Variants in CLHC1 observed in about 807,000 individuals in gnomAD.
The protein encoded by CLHC1 is clathrin heavy chain linker domain containing 1.
In CLHC1, 72 loss-of-function variants were observed where a neutral mutation model predicts 69.5. The ratio of observed to expected loss-of-function variants is 1.04; its 90% CI spans 0.86 to 1.26. CLHC1 has a LOEUF of 1.26. Ranked by LOEUF, CLHC1 falls within the 50% of genes most tolerant of loss-of-function variation. The pLI is 0.00. For synonymous variants in CLHC1, 223 were observed against 224.3 expected, an observed-to-expected ratio of 0.99 and a Z score of 0.05; for missense variants, 790 against 679.3, an observed-to-expected ratio of 1.16 and a Z score of -1.81.
At chr2:55,223,036 A>G (rs1019680448) in intron 2 of CLHC1, among the ~76,000 whole-genome samples, 4 of 151,938 alleles carry the variant, frequency 2.6e-5, no homozygotes, top group Middle Eastern at 3.4e-3. Context: ...ACTATGCACA[A>G]CTCCTCTCAC....
chr2:55,222,262 G>A lies in CLHC1; in HGVS notation c.150C>T (p.Tyr50=), dbSNP rs750851741. Residue 50 remains tyrosine (Y), a synonymous_variant, in exon 3 of 13, where the codon TAC becomes TAT. Coordinates refer to ENST00000401408, the MANE Select transcript of CLHC1 (RefSeq NM_152385.4). ...CSEEGPADEY[Y]IIYRNVFDKV... ...TATCAAAAACATTTCGGTATATGAT[G>A]TAATATTCATCAGCAGGTCCTTCCT... The A allele has an allele frequency of 4.3e-6, 7 of 1,613,038 alleles. No homozygotes were observed. In the African/African-American group the frequency reaches 8.0e-5, roughly 18 times the overall value.
chr2:55,218,100 A>G lies in CLHC1; in HGVS notation c.178-102T>C, dbSNP rs369584857. On this transcript the variant is annotated intron_variant, in intron 3 of 12. Coordinates refer to ENST00000401408, the MANE Select transcript of CLHC1 (RefSeq NM_152385.4). ...TTATAGATTATTTTAAAAATGAAAC[A>G]TGATTAGCAATTAGAAATCTAAACT... The G allele has an allele frequency of 9.7e-5, 55 of 568,776 alleles. 2 individuals are homozygous for G. The highest frequency in any genetic ancestry group is 5.0e-4 in the East Asian group (15 of 29,718). The allele number at this position is 568,776 out of a possible 1,614,324, so 35.2% of individuals were successfully genotyped here. A position where few individuals can be genotyped will look rare whatever the true frequency, so the allele number is the denominator to read the frequency against.
chr2:55,195,558 T>C (rs1487333713), intron 9 of CLHC1, among the ~76,000 whole-genome samples: 1 of 152,078 alleles, frequency 6.6e-6, no homozygotes, highest in East Asian at 1.9e-4. Context: ...TCCCAGCACT[T>C]TCGGAGGCCA....
chr2:55,218,031 T>C (rs541878453), intron 3 of CLHC1, 33 bp from the exon 4 acceptor site: 4 of 1,209,252 alleles, frequency 3.3e-6, no homozygotes, highest in Admixed American at 6.0e-5. Flanking sequence ...ATGGTATTGA[T>C]TTTTTTTCTA....
chr2:55,190,899 A>G lies in CLHC1; in HGVS notation c.1007-9155T>C, dbSNP rs184913160. On this transcript the variant is annotated intron_variant, in intron 9 of 12. Transcript: ENST00000401408. ...TCAATGGACTCCAAGCATAAGAAGCATGAAAATAAAACTATACTAACACTC... is the reference window on the plus strand; with the variant it reads ...TCAATGGACTCCAAGCATAAGAAGCGTGAAAATAAAACTATACTAACACTC... Among the ~76,000 whole-genome samples, 376 of 152,280 alleles carry G rather than the reference A, an allele frequency of 2.5e-3. 1 individual carries two copies. The highest frequency in any genetic ancestry group is 8.7e-3 in the African/African-American group (363 of 41,540).
chr2:55,192,154 CT>C (rs1468540900), intron 9 of CLHC1, among the ~76,000 whole-genome samples: 1 of 152,118 alleles, frequency 6.6e-6, no homozygotes, highest in Non-Finnish European at 1.5e-5. Flanking sequence ...GAGTCTTGCT[CT>C]GTCACCCAGG....
At chr2:55,220,505 C>T (rs1674006104) in intron 3 of CLHC1, among the ~76,000 whole-genome samples, 1 of 152,040 alleles carries the variant, frequency 6.6e-6, no homozygotes, top group Admixed American at 6.6e-5. Context: ...ATGCAATGTG[C>T]AAATAGTACA....
intron 9 of CLHC1, among the ~76,000 whole-genome samples, chr2:55,203,364 G>A (rs1168868033): frequency 6.6e-6 from 1 of 151,996 alleles, no homozygotes; most frequent in Non-Finnish European, 1.5e-5. Context: ...ACCATCCTAA[G>A]CAAAAAGAAC....
At position 55,177,654 on chromosome 2, in the gene CLHC1, G is replaced by A; in HGVS notation, c.1512C>T (p.Asp504=). The part of the protein sequence containing the change: ...GLAILHLFSA[D]MKKVGIKLLQ... The stretch of plus-strand genomic sequence containing the variant: ...GTAGCTTAATGCCAACTTTTTTCAT[G>A]TCTGCAGAGAACAGATGAAGTATAG... The change falls in exon 12 of 13, where the codon GAC becomes GAT. Residue 504 remains aspartate, a synonymous_variant. Transcript: ENST00000401408. 7 of 1,609,974 alleles carry A rather than the reference G, an allele frequency of 4.3e-6. No individual in the cohort carries two copies. Among genetic ancestry groups the A allele is most frequent in the Non-Finnish European group, 5.9e-6 (7 of 1,177,588 alleles).
chr2:55,223,573 G>A (rs1674381361), intron 2 of CLHC1, among the ~76,000 whole-genome samples: 1 of 152,090 alleles, frequency 6.6e-6, no homozygotes, highest in Non-Finnish European at 1.5e-5. Context: ...GGGACCGGAT[G>A]GAGGAGCGGC....
chr2:55,215,263 A>C (rs141569461), intron 4 of CLHC1: 2 of 152,352 alleles, frequency 1.3e-5, no homozygotes, highest in African/African-American at 2.4e-5. Flanking sequence ...GAAAGTCAAA[A>C]TCAGGGCAAA....
intron 8 of CLHC1, among the ~76,000 whole-genome samples, 195 bp downstream of exon 8, chr2:55,208,431 T>C (rs1293297063): frequency 1.3e-5 from 2 of 152,156 alleles, no homozygotes; most frequent in African/African-American, 4.8e-5. Context: ...TGCTCAAAAT[T>C]TTTCGGATTT....
intron 10 of CLHC1, 76 bp from the exon 11 acceptor site, chr2:55,180,788 C>T: frequency 8.2e-7 from 1 of 1,222,176 alleles, no homozygotes; most frequent in East Asian, 2.3e-5. Context: ...TTTGAAAATT[C>T]AGCACAGTAG....
At chr2:55,222,190 T>G in intron 3 of CLHC1, 45 bp downstream of exon 3, 1 of 1,354,618 alleles carries the variant, frequency 7.4e-7, no homozygotes, top group Non-Finnish European at 1.1e-6. Flanking sequence ...CATAGATCAT[T>G]GCTATCCTCA....
At chr2:55,204,801 G>T (rs1390775725) in intron 9 of CLHC1, among the ~76,000 whole-genome samples, 5 of 152,106 alleles carry the variant, frequency 3.3e-5, no homozygotes, top group Non-Finnish European at 5.9e-5. Flanking sequence ...GGAACCGGAG[G>T]TCATTATGTT....
chr2:55,176,072 A>C, intron 12 of CLHC1, 86 bp from the exon 13 acceptor site: 1 of 1,106,366 alleles, frequency 9.0e-7, no homozygotes, highest in Non-Finnish European at 1.3e-6. Flanking sequence ...AAAAGGACAT[A>C]ATTTCAACTC....
chr2:55,226,839 G>C (rs1674756048), intron 2 of CLHC1, among the ~76,000 whole-genome samples: 1 of 152,168 alleles, frequency 6.6e-6, no homozygotes, highest in Admixed American at 6.5e-5. Flanking sequence ...CACCCTGTTG[G>C]CCAGGCTGAT....
intron 1 of CLHC1, among the ~76,000 whole-genome samples, chr2:55,230,976 G>C (rs756184316): frequency 2.0e-5 from 3 of 152,158 alleles, no homozygotes; most frequent in Non-Finnish European, 1.5e-5. Flanking sequence ...GAGGCAGGGC[G>C]TGGTGGCTCA....
At chr2:55,194,141 T>C (rs1205095927) in intron 9 of CLHC1, among the ~76,000 whole-genome samples, 1 of 152,014 alleles carries the variant, frequency 6.6e-6, no homozygotes, top group Non-Finnish European at 1.5e-5. Flanking sequence ...GAATGAGGAG[T>C]TAATGGGTAC....
Sources: gnomAD v4.1 joint callset for allele counts (sites outside exome capture counted in the v4.1 genomes callset) on GRCh38, gnomAD v4.1.1 for gene constraint, MANE v1.5 for transcripts, NCBI Gene and HGNC (gene_info 2026-07-23, HGNC 2026-07-21) for gene names.